FN1: variants seen among roughly 807,000 people sequenced by gnomAD.
FN1 encodes the protein fibronectin 1.
A neutral mutation model predicts 297.3 loss-of-function variants in FN1; 106 were observed. That is an observed-to-expected ratio of 0.36 (90% confidence interval 0.30 to 0.42). The LOEUF is 0.42. Among genes scored for constraint, FN1 ranks in the 10% least tolerant of loss-of-function variants. FN1 has a pLI of 1.00. For synonymous variants in FN1, 1,149 were observed against 1,152.6 expected, an observed-to-expected ratio of 1.00 and a Z score of 0.06; for missense variants, 2,690 against 3,124.9, an observed-to-expected ratio of 0.86 and a Z score of 3.32.
chr2:215,384,161 ACTC>A lies in FN1; in HGVS notation c.4750_4752del (p.Glu1584del), dbSNP rs753251984. The A allele has an allele frequency of 1.9e-6, 3 of 1,614,060 alleles. No homozygotes were observed. Among genetic ancestry groups the A allele is most frequent in the Admixed American group, 1.7e-5 (1 of 60,008 alleles). ...GTAGACTTGCTCCCAGGCACAGTGA[ACTC>A]CTGGACAGGGCTATTTCCTCCTGTA... is the stretch of plus-strand genomic sequence containing the variant. On this transcript the variant is annotated inframe_deletion, in exon 30 of 46. Transcript: ENST00000354785.
chr2:215,434,967 T>C, intron 1 of FN1, 143 bp from the exon 2 acceptor site: 2 of 916,252 alleles, frequency 2.2e-6, no homozygotes, highest in Non-Finnish European at 3.3e-6. Context: ...CATTTCCATC[T>C]GGCCAGGGGT....
chr2:215,393,432 A>ATC, intron 24 of FN1: 1 of 179,938 alleles, frequency 5.6e-6, no homozygotes, highest in Non-Finnish European at 1.1e-5. Context: ...TAGGGAATAT[A>ATC]TATATATATA....
At chr2:215,421,905 G>T (rs553056377) in intron 10 of FN1, among the ~76,000 whole-genome samples, 186 bp downstream of exon 10, 1 of 152,066 alleles carries the variant, frequency 6.6e-6, no homozygotes, top group Non-Finnish European at 1.5e-5. Flanking sequence ...TTGCTATGCC[G>T]CTTGTCTTAG....
intron 11 of FN1, among the ~76,000 whole-genome samples, chr2:215,420,346 C>T (rs1410816888): frequency 1.7e-5 from 1 of 59,782 alleles, no homozygotes; most frequent in African/African-American, 3.7e-5. Context: ...CTCAAAAAAA[C>T]AAAAACAAAA....
At chr2:215,423,309 ATTG>A in intron 9 of FN1, 38 bp downstream of exon 9, 1 of 1,607,474 alleles carries the variant, frequency 6.2e-7, no homozygotes. Context: ...TACTCCCTAA[ATTG>A]TTGTCAAACA....
chr2:215,407,326 A>G lies in FN1; in HGVS notation c.2519-5T>C. ...GCGAATAGACTATTCTGTACCCTGC[A>G]GATTCATGAGCAAAAGTAAGATGCA... is the stretch of plus-strand genomic sequence containing the variant. On this transcript the variant is annotated splice_polypyrimidine_tract_variant and splice_region_variant and intron_variant, in intron 17 of 45. Coordinates refer to ENST00000354785, the MANE Select transcript of FN1 (RefSeq NM_212482.4). The G allele has an allele frequency of 1.2e-6, 2 of 1,613,074 alleles. No individual in the cohort carries two copies. Among genetic ancestry groups the G allele is most frequent in the Non-Finnish European group, 1.7e-6 (2 of 1,179,030 alleles).
intron 13 of FN1, 23 bp downstream of exon 13, chr2:215,414,814 A>G (rs1247459891): frequency 1.2e-6 from 2 of 1,613,680 alleles, no homozygotes; most frequent in African/African-American, 1.3e-5. Context: ...TCAGTATCCA[A>G]GGTTTCTGGG....
In FN1 at chr2:215,365,127, C is replaced by T. The variant is rs7579867; in HGVS notation, c.7145-142G>A. The T allele has an allele frequency of 0.23, 167,169 of 714,160 alleles. 23,461 individuals carry two copies. Among genetic ancestry groups the T allele is most frequent in the Non-Finnish European group, 0.3 (119,092 of 396,102 alleles). The allele number at this position is 714,160 out of a possible 1,614,324, so 44.2% of individuals were successfully genotyped here. A position where few individuals can be genotyped will look rare whatever the true frequency, so the allele number is the denominator to read the frequency against. The stretch of plus-strand genomic sequence containing the variant: ...TATTTATGTGAATCATCCCTAAGAG[C>T]AGTACTGCTATACAGATCTTAGGGT... On this transcript the variant is annotated intron_variant, in intron 43 of 45. Transcript: ENST00000354785.
At position 215,407,948 on chromosome 2, in the gene FN1, C is replaced by T. The variant is rs1297360387; in HGVS notation, c.2518+160G>A. ...TGTGCCATAGAAAATAACTCCCCCA[C>T]CCCCGCCACACACACACACACACAC... On this transcript the variant is annotated intron_variant, in intron 17 of 45. Transcript: ENST00000354785. Among the ~76,000 whole-genome samples the T allele has an allele frequency of 5.2e-4, 4 of 7,714 alleles. No homozygotes were observed. The South Asian group carries it at 0.019, about 36-fold the overall frequency. 5.1% of individuals were successfully genotyped at this position (7,714 alleles called of 152,430 possible).
chr2:215,411,505 A>G (rs2062619143), intron 13 of FN1, among the ~76,000 whole-genome samples: 1 of 152,146 alleles, frequency 6.6e-6, no homozygotes, highest in African/African-American at 2.4e-5. Flanking sequence ...TTTAGTAATC[A>G]TTTTTCAACA....
intron 33 of FN1, 121 bp from the exon 34 acceptor site, chr2:215,379,438 G>T: frequency 1.3e-6 from 1 of 795,824 alleles, no homozygotes; most frequent in Non-Finnish European, 2.1e-6. Context: ...CCCTGGTCAA[G>T]CAAAGATTCA....
At chr2:215,408,246 G>T in intron 16 of FN1, 49 bp from the exon 17 acceptor site, 13 of 1,613,392 alleles carry the variant, frequency 8.1e-6, no homozygotes, top group Admixed American at 1.7e-5. Context: ...GCTACTACAG[G>T]CCTGTGTTTT....
intron 29 of FN1, 65 bp from the exon 30 acceptor site, chr2:215,384,249 T>C (rs1270393152): frequency 2.8e-6 from 4 of 1,437,104 alleles, no homozygotes; most frequent in South Asian, 2.3e-5. Context: ...TACTGATTAA[T>C]TGAATTACCA....
chr2:215,395,970 T>C (rs1399491332), intron 23 of FN1, among the ~76,000 whole-genome samples: 2 of 152,192 alleles, frequency 1.3e-5, no homozygotes, highest in African/African-American at 4.8e-5. Context: ...GCTTAAACAA[T>C]GTTTCCGCAG....
At chr2:215,427,241 A>T in intron 6 of FN1, among the ~76,000 whole-genome samples, 1 of 152,214 alleles carries the variant, frequency 6.6e-6, no homozygotes, top group East Asian at 1.9e-4. Context: ...CAAAGATATT[A>T]TCAAATCTAA....
chr2:215,430,480 T>G (rs1206753463), intron 5 of FN1, among the ~76,000 whole-genome samples: 3 of 152,212 alleles, frequency 2.0e-5, no homozygotes, highest in Non-Finnish European at 4.4e-5. Flanking sequence ...TTCAACTCTA[T>G]GTCAGTGGCA....
At chr2:215,409,891 G>A in intron 14 of FN1, 43 bp downstream of exon 14, 1 of 1,611,212 alleles carries the variant, frequency 6.2e-7, no homozygotes, top group South Asian at 1.1e-5. Flanking sequence ...CCTAGCTCTA[G>A]GAACCTCGGG....
At chr2:215,395,525 G>A (rs2060206437) in intron 23 of FN1, among the ~76,000 whole-genome samples, 1 of 141,274 alleles carries the variant, frequency 7.1e-6, no homozygotes. Context: ...GGGTGACAGA[G>A]TGAGACTCTG....
Position 215,408,088 on chromosome 2 carries a change from G to A in FN1, c.2518+20C>T, listed in dbSNP as rs1359376420. 4.4e-6 allele frequency: 7 copies of A among 1,595,558 alleles called. No individual in the cohort carries two copies. Among genetic ancestry groups the A allele is most frequent in the African/African-American group, 1.3e-5 (1 of 74,470 alleles). On this transcript the variant is annotated intron_variant, in intron 17 of 45. Coordinates refer to ENST00000354785, the MANE Select transcript of FN1 (RefSeq NM_212482.4). ...CATTAAGATTAACATAGCAGCCAAA[G>A]AGGGGGACGCTTAGCTGACCTGTGA...
Sources: gnomAD v4.1 joint callset for allele counts (sites outside exome capture counted in the v4.1 genomes callset) on GRCh38, gnomAD v4.1.1 for gene constraint, MANE v1.5 for transcripts, NCBI Gene and HGNC (gene_info 2026-07-23, HGNC 2026-07-21) for gene names.